HS6ST3: variants seen among roughly 807,000 people sequenced by gnomAD.
HS6ST3 encodes the protein heparan-sulfate 6-O-sulfotransferase 3.
A neutral mutation model predicts 36.7 loss-of-function variants in HS6ST3; 12 were observed. The observed-to-expected ratio is 0.33, with a 90% CI of 0.21 to 0.53. HS6ST3 has a LOEUF of 0.53. HS6ST3 is among the 20% of genes least tolerant of loss of function. The pLI is 0.95. For synonymous variants in HS6ST3, 240 were observed against 257.5 expected (o/e 0.93, Z 0.65); for missense variants, 584 against 640.9 (o/e 0.91, Z 0.96).
intron 1 of HS6ST3, among the ~76,000 whole-genome samples, chr13:96,805,786 G>C (rs192208860): frequency 6.6e-6 from 1 of 152,320 alleles, no homozygotes; most frequent in Admixed American, 6.5e-5. Context: ...ATGCAATTTA[G>C]TGACCAATAT....
chr13:96,109,052 A>G (rs1207046790), intron 1 of HS6ST3, among the ~76,000 whole-genome samples: 1 of 152,170 alleles, frequency 6.6e-6, no homozygotes, highest in African/African-American at 2.4e-5. Flanking sequence ...TAACTCTATC[A>G]TAGTTAGCAA....
At chr13:96,474,738 G>T (rs1344207658) in intron 1 of HS6ST3, among the ~76,000 whole-genome samples, 1 of 152,138 alleles carries the variant, frequency 6.6e-6, no homozygotes, top group Admixed American at 6.5e-5. Context: ...GCCCAGGGAG[G>T]CTTGTTCAAC....
intron 1 of HS6ST3, among the ~76,000 whole-genome samples, chr13:96,397,107 G>C (rs2055426014): frequency 6.6e-6 from 1 of 152,168 alleles, no homozygotes; most frequent in African/African-American, 2.4e-5. Context: ...GGGAGCCTGA[G>C]GCAGGAGAAT....
intron 1 of HS6ST3, among the ~76,000 whole-genome samples, chr13:96,535,272 C>G (rs747519309): frequency 2.0e-5 from 3 of 151,688 alleles, no homozygotes; most frequent in Admixed American, 1.3e-4. Flanking sequence ...GTTGGAGAAT[C>G]TTGGCCGGGC....
chr13:96,146,732 A>G (rs908994951), intron 1 of HS6ST3, among the ~76,000 whole-genome samples: 1 of 152,184 alleles, frequency 6.6e-6, no homozygotes, highest in Non-Finnish European at 1.5e-5. Context: ...GTATGTAGGT[A>G]TGGTCACTTT....
chr13:96,353,040 C>A (rs896366769), intron 1 of HS6ST3, among the ~76,000 whole-genome samples: 1 of 138,586 alleles, frequency 7.2e-6, no homozygotes. Context: ...CTAGAGCTAG[C>A]GTATTCTTTT....
intron 1 of HS6ST3, among the ~76,000 whole-genome samples, chr13:96,564,523 T>C (rs891687160): frequency 9.9e-5 from 15 of 152,136 alleles, no homozygotes; most frequent in African/African-American, 3.4e-4. Context: ...CCTATTTGAC[T>C]AGGAGTGACT....
chr13:96,283,670 G>A (rs534438921), intron 1 of HS6ST3, among the ~76,000 whole-genome samples: 1 of 152,260 alleles, frequency 6.6e-6, no homozygotes, highest in South Asian at 2.1e-4. Flanking sequence ...ATAGATATGT[G>A]TATGTGTATA....
At chr13:96,249,354 A>C (rs553301695) in intron 1 of HS6ST3, among the ~76,000 whole-genome samples, 1 of 152,306 alleles carries the variant, frequency 6.6e-6, no homozygotes, top group African/African-American at 2.4e-5. Flanking sequence ...CTGAGAAAAA[A>C]GATTGACAGA....
chr13:96,638,754 T>A (rs1211631889), intron 1 of HS6ST3, among the ~76,000 whole-genome samples: 1 of 151,920 alleles, frequency 6.6e-6, no homozygotes, highest in African/African-American at 2.4e-5. Context: ...ACCTCTTTTT[T>A]AAAATAAATT....
At chr13:96,705,767 A>G (rs546867219) in intron 1 of HS6ST3, among the ~76,000 whole-genome samples, 1 of 152,272 alleles carries the variant, frequency 6.6e-6, no homozygotes, top group Admixed American at 6.5e-5. Context: ...GGCTCACCAG[A>G]GCAGGAGCCG....
chr13:96,338,332 G>C (rs2055112169), intron 1 of HS6ST3, among the ~76,000 whole-genome samples: 1 of 152,156 alleles, frequency 6.6e-6, no homozygotes, highest in Admixed American at 6.5e-5. Flanking sequence ...GGTGTACTTG[G>C]CTGCAGTATT....
intron 1 of HS6ST3, among the ~76,000 whole-genome samples, chr13:96,680,914 A>C (rs1275425787): frequency 6.6e-6 from 1 of 152,218 alleles, no homozygotes; most frequent in African/African-American, 2.4e-5. Flanking sequence ...AACATCTTGG[A>C]ATGCTGGCTT....
chr13:96,663,382 C>A (rs1398401144), intron 1 of HS6ST3, among the ~76,000 whole-genome samples: 1 of 152,100 alleles, frequency 6.6e-6, no homozygotes, highest in Non-Finnish European at 1.5e-5. Flanking sequence ...ATGCAACTGG[C>A]TAATAAGTGC....
intron 1 of HS6ST3, among the ~76,000 whole-genome samples, chr13:96,458,093 T>A (rs2055763255): frequency 6.6e-6 from 1 of 152,162 alleles, no homozygotes; most frequent in Non-Finnish European, 1.5e-5. Context: ...GTAGTATCTT[T>A]TCTTCTATTG....
At chr13:96,486,088 C>T (rs1047284103) in intron 1 of HS6ST3, among the ~76,000 whole-genome samples, 2 of 140,052 alleles carry the variant, frequency 1.4e-5, no homozygotes, top group African/African-American at 5.4e-5. Context: ...TTGTTCAATT[C>T]CCACCTGTGA....
intron 1 of HS6ST3, among the ~76,000 whole-genome samples, chr13:96,260,947 T>G (rs779837082): frequency 6.6e-6 from 1 of 152,162 alleles, no homozygotes; most frequent in Non-Finnish European, 1.5e-5. Flanking sequence ...TCCTGGATTT[T>G]CTTATAGTTA....
chr13:96,755,326 G>A (rs894583923), intron 1 of HS6ST3, among the ~76,000 whole-genome samples: 1 of 151,982 alleles, frequency 6.6e-6, no homozygotes, highest in African/African-American at 2.4e-5. Context: ...GCAGCTGCAT[G>A]TATCAGTAGT....
intron 1 of HS6ST3, among the ~76,000 whole-genome samples, chr13:96,523,949 TGGAATTTTCA>T (rs1256026666): frequency 2.0e-5 from 3 of 152,220 alleles, no homozygotes; most frequent in Non-Finnish European, 4.4e-5. Context: ...TTTGGGATTT[TGGAATTTTCA>T]GCCTTTCTGC....
Sources: allele counts gnomAD v4.1 joint callset (sites outside exome capture counted in the v4.1 genomes callset), GRCh38; gene constraint gnomAD v4.1.1; transcripts MANE v1.5; gene names NCBI Gene and HGNC (gene_info 2026-07-23, HGNC 2026-07-21).